Variants in PRKN observed in about 807,000 individuals in gnomAD.
PRKN encodes the protein E3 ubiquitin-protein ligase parkin.
A neutral mutation model predicts 59.5 loss-of-function variants in PRKN; 56 were observed. The ratio of observed to expected loss-of-function variants is 0.94; its 90% confidence interval spans 0.76 to 1.18. The LOEUF (loss-of-function observed/expected upper bound fraction) is 1.18. PRKN is among the 50% of genes most tolerant of loss of function. The probability of loss-of-function intolerance (pLI) is 0.00; values close to 1 mark genes in which losing one functional copy is unlikely to be tolerated. For synonymous variants in PRKN, 250 were observed against 222.1 expected, an observed-to-expected ratio of 1.13 and a Z score of -1.12; for missense variants, 657 against 596.4, an observed-to-expected ratio of 1.10 and a Z score of -1.06.
chr6:162,674,205 A>C (rs531659597), intron 1 of PRKN, among the ~76,000 whole-genome samples: 1 of 152,222 alleles, frequency 6.6e-6, no homozygotes, highest in Non-Finnish European at 1.5e-5. Context: ...TTGAGACTAA[A>C]TATTTATTTT....
At chr6:161,750,112 T>TAC (rs1788617864) in intron 7 of PRKN, among the ~76,000 whole-genome samples, 1 of 104,116 alleles carries the variant, frequency 9.6e-6, no homozygotes, top group East Asian at 5.3e-4. Flanking sequence ...TATATATATA[T>TAC]ATATATACAC....
At chr6:162,715,922 CAAAT>C in intron 1 of PRKN, among the ~76,000 whole-genome samples, 1 of 152,134 alleles carries the variant, frequency 6.6e-6, no homozygotes, top group East Asian at 1.9e-4. Flanking sequence ...AGATCCAGCT[CAAAT>C]AAATTCCACC....
chr6:162,365,008 T>C (rs1460945636), intron 2 of PRKN, among the ~76,000 whole-genome samples: 1 of 150,404 alleles, frequency 6.6e-6, no homozygotes, highest in Admixed American at 6.7e-5. Flanking sequence ...CAATATGTAG[T>C]GTGGGATTTT....
At chr6:162,626,751 T>G (rs943775647) in intron 1 of PRKN, among the ~76,000 whole-genome samples, 2 of 150,736 alleles carry the variant, frequency 1.3e-5, no homozygotes, top group African/African-American at 4.9e-5. Flanking sequence ...GAGGTGGAGG[T>G]TGCAGTGAGC....
intron 1 of PRKN, among the ~76,000 whole-genome samples, chr6:162,623,273 G>A (rs578070960): frequency 6.7e-6 from 1 of 148,840 alleles, no homozygotes; most frequent in Admixed American, 6.8e-5. Context: ...CCAATATAGA[G>A]ATCTTATTTT....
rs371504153 is a variant in PRKN at position 161,973,508 on chromosome 6, A to T, written c.619-91T>A. 17 of 753,790 alleles carry T rather than the reference A, an allele frequency of 2.3e-5. No individual in the cohort carries two copies. The East Asian group carries it at 3.1e-4, about 14-fold the overall frequency. 46.7% of individuals were successfully genotyped at this position (753,790 alleles called of 1,614,324 possible). A position where few individuals can be genotyped will look rare whatever the true frequency, so the allele number is the denominator to read the frequency against. ...CCACAGTAAACAATCTCTTTGGACAAGAGAAGAAATCTGTTACGAGGTGTG... is the reference window on the plus strand; with the variant it reads ...CCACAGTAAACAATCTCTTTGGACATGAGAAGAAATCTGTTACGAGGTGTG... On this transcript the variant is annotated intron_variant, in intron 5 of 11. Transcript: ENST00000366898.
chr6:162,055,730 G>T (rs1449631396), intron 4 of PRKN, among the ~76,000 whole-genome samples: 1 of 152,112 alleles, frequency 6.6e-6, no homozygotes, highest in Non-Finnish European at 1.5e-5. Context: ...TACCGACGAC[G>T]TTTGGACCCA....
chr6:161,961,634 T>C (rs1562421091), intron 6 of PRKN, among the ~76,000 whole-genome samples: 1 of 152,154 alleles, frequency 6.6e-6, no homozygotes, highest in East Asian at 1.9e-4. Context: ...CTTCACCTGC[T>C]AGAGAGTGTC....
intron 2 of PRKN, among the ~76,000 whole-genome samples, chr6:162,289,836 C>G (rs1385867530): frequency 2.6e-5 from 4 of 152,148 alleles, no homozygotes; most frequent in African/African-American, 4.8e-5. Flanking sequence ...AGGTGACCCT[C>G]CCAATTTCAA....
intron 2 of PRKN, among the ~76,000 whole-genome samples, chr6:162,278,368 A>C (rs539307220): frequency 4.6e-5 from 7 of 152,174 alleles, no homozygotes; most frequent in Non-Finnish European, 1.0e-4. Context: ...TTGATGGATA[A>C]ATATCATTAT....
chr6:161,720,511 A>AC (rs553152274), intron 7 of PRKN, among the ~76,000 whole-genome samples: 99 of 144,956 alleles, frequency 6.8e-4, no homozygotes, highest in African/African-American at 2.7e-3. Flanking sequence ...ACTGATGGGC[A>AC]CAGGTGGGGG....
In PRKN at chr6:162,102,602, C is replaced by T. The variant is rs146526359; in HGVS notation, c.535-48428G>A. Among the ~76,000 whole-genome samples the T allele has an allele frequency of 5.0e-3, 764 of 152,198 alleles. 12 individuals carry two copies. The highest frequency in any genetic ancestry group is 0.017 in the African/African-American group (706 of 41,500). On this transcript the variant is annotated intron_variant, in intron 4 of 11. Coordinates refer to ENST00000366898, the MANE Select transcript of PRKN (RefSeq NM_004562.3). ...ATTTTTTGCACAAATATTTGAAAAA[C>T]ATACGCAGGTATTTTATCTAAAAGA...
chr6:162,440,630 G>A (rs1421014301), intron 2 of PRKN, among the ~76,000 whole-genome samples: 2 of 151,956 alleles, frequency 1.3e-5, no homozygotes, highest in East Asian at 3.9e-4. Flanking sequence ...TAAAGAATAC[G>A]AAACCAGGAG....
intron 3 of PRKN, among the ~76,000 whole-genome samples, chr6:162,222,011 A>G (rs1411369735): frequency 6.6e-6 from 1 of 152,180 alleles, no homozygotes; most frequent in Non-Finnish European, 1.5e-5. Flanking sequence ...GCAAAGGATG[A>G]AAAAGATAAA....
chr6:162,182,461 G>C (rs1460345320), intron 4 of PRKN, among the ~76,000 whole-genome samples: 1 of 152,168 alleles, frequency 6.6e-6, no homozygotes, highest in Non-Finnish European at 1.5e-5. Context: ...GAACTGGGCG[G>C]GGTGGATCTA....
At chr6:161,621,910 A>G (rs1274628416) in intron 7 of PRKN, among the ~76,000 whole-genome samples, 1 of 152,062 alleles carries the variant, frequency 6.6e-6, no homozygotes, top group Non-Finnish European at 1.5e-5. Context: ...TCCATTGTAG[A>G]AAAAAAAGTC....
chr6:162,094,085 C>T (rs754685595), intron 4 of PRKN, among the ~76,000 whole-genome samples: 4 of 152,030 alleles, frequency 2.6e-5, no homozygotes, highest in Admixed American at 6.6e-5. Flanking sequence ...GGCAGCACGT[C>T]GAGATGAGAC....
At chr6:162,245,684 C>G (rs1203985063) in intron 3 of PRKN, among the ~76,000 whole-genome samples, 1 of 152,072 alleles carries the variant, frequency 6.6e-6, no homozygotes, top group African/African-American at 2.4e-5. Context: ...AAATCTGCAA[C>G]CGGGGTTCTC....
Position 162,531,847 on chromosome 6 carries a change from G to T in PRKN, c.8-88374C>A, listed in dbSNP as rs146004850. Among the ~76,000 whole-genome samples the T allele has an allele frequency of 5.9e-5, 9 of 151,402 alleles. No individual in the cohort carries two copies. The East Asian group carries it at 1.8e-3, about 30-fold the overall frequency. On this transcript the variant is annotated intron_variant, in intron 1 of 11. Coordinates refer to ENST00000366898, the MANE Select transcript of PRKN (RefSeq NM_004562.3). Reference sequence around the variant, plus strand: ...CTGTCTAAGTCATAATTTTGCAAAGGTGGTTTCACTTGAACCCAGGAGGCA... The same window carrying T: ...CTGTCTAAGTCATAATTTTGCAAAGTTGGTTTCACTTGAACCCAGGAGGCA...
Sources: allele counts gnomAD v4.1 joint callset (sites outside exome capture counted in the v4.1 genomes callset), GRCh38; gene constraint gnomAD v4.1.1; transcripts MANE v1.5; gene names NCBI Gene and HGNC (gene_info 2026-07-23, HGNC 2026-07-21).